Variants in PLPPR1 observed in about 807,000 individuals in gnomAD.
The protein encoded by PLPPR1 is phospholipid phosphatase-related protein type 1.
A neutral mutation model predicts 33.1 loss-of-function variants in PLPPR1; 10 were observed. That is an observed-to-expected ratio of 0.30 (90% CI 0.19 to 0.51). PLPPR1 has a LOEUF of 0.51. Among genes scored for constraint, PLPPR1 ranks in the 20% least tolerant of loss-of-function variants. The pLI, the probability that PLPPR1 is intolerant of heterozygous loss-of-function variation, is 0.97. For missense variants in PLPPR1, 304 were observed against 408.1 expected (o/e 0.74, Z 2.20); for synonymous variants, 151 against 151.0 (o/e 1.00, Z 0.00).
chr9:101,111,725 A>G (rs1249420860), intron 1 of PLPPR1, among the ~76,000 whole-genome samples: 1 of 152,188 alleles, frequency 6.6e-6, no homozygotes, highest in African/African-American at 2.4e-5. Flanking sequence ...GCACAGTTGT[A>G]AAAACTGCAT....
At chr9:101,313,124 A>G in intron 6 of PLPPR1, 150 bp downstream of exon 6, 1 of 735,214 alleles carries the variant, frequency 1.4e-6, no homozygotes. Flanking sequence ...TGCTTTTGCT[A>G]CAAAAATGAT....
At chr9:101,082,196 A>C (rs749533758) in intron 1 of PLPPR1, among the ~76,000 whole-genome samples, 1 of 152,160 alleles carries the variant, frequency 6.6e-6, no homozygotes, top group Non-Finnish European at 1.5e-5. Flanking sequence ...TTAATACTAT[A>C]TCTTCCAATT....
chr9:101,039,089 T>C (rs1420542350), intron 1 of PLPPR1, among the ~76,000 whole-genome samples: 1 of 152,192 alleles, frequency 6.6e-6, no homozygotes, highest in Non-Finnish European at 1.5e-5. Context: ...ATCTTTGTTG[T>C]ACTAACCAAT....
In PLPPR1 at chr9:101,238,922, G is replaced by A. The variant is rs373293772; in HGVS notation, c.64-30958G>A. Reference sequence around the variant, plus strand: ...CTTACCCTTCCAGCTTCTAACAATCGCAGTTCTATTTTCCCCTTCTATGAG... The same window carrying A: ...CTTACCCTTCCAGCTTCTAACAATCACAGTTCTATTTTCCCCTTCTATGAG... On this transcript the variant is annotated intron_variant, in intron 2 of 7. Transcript: ENST00000374874. 6.2e-4 allele frequency among the ~76,000 whole-genome samples: 92 copies of A among 148,594 alleles called. No homozygotes were observed. The South Asian group carries it at 8.7e-3, about 14-fold the overall frequency.
At chr9:101,320,049 G>A (rs896469127) in intron 7 of PLPPR1, among the ~76,000 whole-genome samples, 4 of 152,146 alleles carry the variant, frequency 2.6e-5, no homozygotes, top group African/African-American at 9.7e-5. Flanking sequence ...ACTCTATTTT[G>A]AGGGATTCTA....
intron 4 of PLPPR1, 49 bp from the exon 5 acceptor site, chr9:101,309,162 A>T (rs769045398): frequency 4.4e-5 from 71 of 1,599,418 alleles, no homozygotes; most frequent in Middle Eastern, 3.3e-4. Flanking sequence ...AGAAAAATGC[A>T]ATTGACAGAG....
At chr9:101,293,404 A>G (rs1329738673) in intron 4 of PLPPR1, among the ~76,000 whole-genome samples, 4 of 151,878 alleles carry the variant, frequency 2.6e-5, no homozygotes, top group Admixed American at 2.0e-4. Flanking sequence ...CGAGACAGAA[A>G]GTTAACAAGG....
At chr9:101,245,035 C>A (rs1196935882) in intron 2 of PLPPR1, among the ~76,000 whole-genome samples, 1 of 151,956 alleles carries the variant, frequency 6.6e-6, no homozygotes, top group Non-Finnish European at 1.5e-5. Context: ...AAGAATGGAT[C>A]CTGTGAGTAG....
At chr9:101,288,267 T>C (rs1828429665) in intron 4 of PLPPR1, among the ~76,000 whole-genome samples, 1 of 152,080 alleles carries the variant, frequency 6.6e-6, no homozygotes, top group Non-Finnish European at 1.5e-5. Flanking sequence ...AGAGGCATGG[T>C]TCAGAAAGAC....
At chr9:101,301,833 G>A (rs538674291) in intron 4 of PLPPR1, among the ~76,000 whole-genome samples, 71 of 152,222 alleles carry the variant, frequency 4.7e-4, no homozygotes, top group Middle Eastern at 3.4e-3. Flanking sequence ...CTTCTTTTTG[G>A]AAAATTGACT....
intron 1 of PLPPR1, among the ~76,000 whole-genome samples, chr9:101,143,441 A>G (rs532173492): frequency 1.4e-4 from 22 of 152,296 alleles, no homozygotes; most frequent in African/African-American, 4.8e-4. Context: ...CCTCTAAAGA[A>G]CTAAAGAGCT....
chr9:101,118,957 C>T (rs1451880297), intron 1 of PLPPR1, among the ~76,000 whole-genome samples: 1 of 151,706 alleles, frequency 6.6e-6, no homozygotes, highest in Non-Finnish European at 1.5e-5. Context: ...ATTTGGATGA[C>T]ATCCATGAAA....
intron 2 of PLPPR1, among the ~76,000 whole-genome samples, chr9:101,214,158 CTGAGG>C (rs1826740702): frequency 6.6e-6 from 1 of 152,122 alleles, no homozygotes; most frequent in Non-Finnish European, 1.5e-5. Context: ...GACTGAAGGA[CTGAGG>C]ATTAGGTCAG....
At chr9:101,199,834 G>A (rs1826462331) in intron 2 of PLPPR1, among the ~76,000 whole-genome samples, 1 of 152,136 alleles carries the variant, frequency 6.6e-6, no homozygotes, top group Non-Finnish European at 1.5e-5. Context: ...AGTGATTGGA[G>A]TTCTTGTTAA....
At chr9:101,062,021 A>G (rs1830353765) in intron 1 of PLPPR1, among the ~76,000 whole-genome samples, 1 of 152,052 alleles carries the variant, frequency 6.6e-6, no homozygotes, top group South Asian at 2.1e-4. Context: ...ATCAGGTGAT[A>G]TAATTGCATA....
At chr9:101,227,182 C>A (rs1410660906) in intron 2 of PLPPR1, among the ~76,000 whole-genome samples, 1 of 152,110 alleles carries the variant, frequency 6.6e-6, no homozygotes, top group Non-Finnish European at 1.5e-5. Context: ...GTAGGGGAGC[C>A]CCAATAATCA....
intron 4 of PLPPR1, among the ~76,000 whole-genome samples, chr9:101,306,516 C>T (rs188457420): frequency 5.9e-5 from 9 of 152,200 alleles, no homozygotes; most frequent in Non-Finnish European, 1.3e-4. Flanking sequence ...ATTCTGAACA[C>T]AGCCACAGCA....
intron 1 of PLPPR1, among the ~76,000 whole-genome samples, chr9:101,072,483 C>T (rs922114871): frequency 2.6e-5 from 4 of 152,130 alleles, no homozygotes; most frequent in Admixed American, 6.6e-5. Context: ...TGTAGTCTAG[C>T]TGTGTGCCCA....
At chr9:101,310,558 C>T (rs551791044) in intron 5 of PLPPR1, among the ~76,000 whole-genome samples, 1 of 152,288 alleles carries the variant, frequency 6.6e-6, no homozygotes, top group African/African-American at 2.4e-5. Context: ...TGTTCTGCCT[C>T]TGCGGGAAGA....
Sources: gnomAD v4.1 joint callset for allele counts (sites outside exome capture counted in the v4.1 genomes callset) on GRCh38, gnomAD v4.1.1 for gene constraint, MANE v1.5 for transcripts, NCBI Gene and HGNC (gene_info 2026-07-23, HGNC 2026-07-21) for gene names.